ERBB4: variants seen among roughly 807,000 people sequenced by gnomAD.
The protein encoded by ERBB4 is erb-b2 receptor tyrosine kinase 4.
A neutral mutation model predicts 158.0 loss-of-function variants in ERBB4; 42 were observed. The observed-to-expected ratio is 0.27, with a 90% CI of 0.21 to 0.34. The LOEUF (loss-of-function observed/expected upper bound fraction) is 0.34, where lower values mean the gene tolerates loss of function less well. Ranked by LOEUF, ERBB4 falls within the 10% of genes least tolerant of loss-of-function variation. The probability of loss-of-function intolerance (pLI) is 1.00; values close to 1 mark genes in which losing one functional copy is unlikely to be tolerated. For synonymous variants in ERBB4, 583 were observed against 558.7 expected, an observed-to-expected ratio of 1.04 and a Z score of -0.61; for missense variants, 1,333 against 1,624.1, an observed-to-expected ratio of 0.82 and a Z score of 3.08.
chr2:211,619,067 C>T, intron 19 of ERBB4, 110 bp downstream of exon 19: 2 of 711,656 alleles, frequency 2.8e-6, no homozygotes, highest in South Asian at 1.6e-5. Flanking sequence ...TATAATATTT[C>T]CATAAGAGAA....
intron 15 of ERBB4, among the ~76,000 whole-genome samples, chr2:211,660,349 T>C (rs754392257): frequency 9.9e-5 from 15 of 152,134 alleles, no homozygotes; most frequent in Non-Finnish European, 1.6e-4. Context: ...AAATGGTAAC[T>C]GTGTTGGAGG....
At chr2:211,709,634 AGGTT>A (rs2073615334) in intron 9 of ERBB4, among the ~76,000 whole-genome samples, 1 of 152,060 alleles carries the variant, frequency 6.6e-6, no homozygotes, top group Admixed American at 6.6e-5. Flanking sequence ...AGTTATCACA[AGGTT>A]GTTAACTGTC....
At chr2:211,397,795 G>A (rs2062951900) in intron 25 of ERBB4, among the ~76,000 whole-genome samples, 1 of 152,128 alleles carries the variant, frequency 6.6e-6, no homozygotes, top group South Asian at 2.1e-4. Flanking sequence ...TACAATTCTT[G>A]ATCAGCAACT....
intron 1 of ERBB4, among the ~76,000 whole-genome samples, chr2:212,313,337 T>G (rs1394793): frequency 0.5 from 74,504 of 150,486 alleles, 21,345 homozygotes; most frequent in East Asian, 0.84. Context: ...TTTGAAAAAT[T>G]AATAAATTTA....
intron 1 of ERBB4, among the ~76,000 whole-genome samples, chr2:212,233,511 G>C (rs1351781164): frequency 6.6e-6 from 1 of 152,044 alleles, no homozygotes; most frequent in African/African-American, 2.4e-5. Flanking sequence ...AATATAACCA[G>C]TAAGTTGATA....
At chr2:211,767,162 T>C (rs574211112) in intron 4 of ERBB4, among the ~76,000 whole-genome samples, 3 of 152,328 alleles carry the variant, frequency 2.0e-5, no homozygotes, top group African/African-American at 7.2e-5. Flanking sequence ...GCTTTTATTT[T>C]ATTGCTTTGT....
At chr2:211,484,377 C>T (rs544013556) in intron 20 of ERBB4, among the ~76,000 whole-genome samples, 1 of 152,080 alleles carries the variant, frequency 6.6e-6, no homozygotes, top group African/African-American at 2.4e-5. Context: ...CTAGTTACAT[C>T]AATGATCACA....
intron 1 of ERBB4, among the ~76,000 whole-genome samples, chr2:212,211,328 G>T (rs935204005): frequency 6.6e-6 from 1 of 151,930 alleles, no homozygotes; most frequent in Non-Finnish European, 1.5e-5. Flanking sequence ...AAGACACATC[G>T]CACACATACA....
intron 20 of ERBB4, among the ~76,000 whole-genome samples, chr2:211,557,736 G>A (rs1479486691): frequency 6.6e-6 from 1 of 151,976 alleles, no homozygotes; most frequent in Non-Finnish European, 1.5e-5. Flanking sequence ...AAAAACAAAA[G>A]TACCATTCAA....
intron 7 of ERBB4, 50 bp from the exon 8 acceptor site, chr2:211,713,698 G>T (rs2106088598): frequency 9.2e-7 from 1 of 1,084,382 alleles, no homozygotes; most frequent in Non-Finnish European, 1.4e-6. Context: ...TTAACATTCA[G>T]CAAACAAGCT....
At chr2:211,981,577 C>T (rs1057440714) in intron 2 of ERBB4, among the ~76,000 whole-genome samples, 4 of 152,164 alleles carry the variant, frequency 2.6e-5, no homozygotes, top group Admixed American at 6.5e-5. Context: ...TCCTGAAATG[C>T]ATCATGCCTC....
chr2:211,658,083 C>T, intron 15 of ERBB4: 2 of 927,050 alleles, frequency 2.2e-6, no homozygotes, highest in Non-Finnish European at 1.6e-6. Flanking sequence ...GTCTCGAATT[C>T]TTATAACTAT....
intron 1 of ERBB4, among the ~76,000 whole-genome samples, chr2:212,246,563 A>G (rs992498772): frequency 6.6e-6 from 1 of 152,210 alleles, no homozygotes; most frequent in Non-Finnish European, 1.5e-5. Flanking sequence ...GCAAGAATAT[A>G]CACAAAATAC....
At chr2:211,402,305 A>C (rs1381599106) in intron 25 of ERBB4, among the ~76,000 whole-genome samples, 1 of 152,066 alleles carries the variant, frequency 6.6e-6, no homozygotes, top group Non-Finnish European at 1.5e-5. Flanking sequence ...GTAAAAAGTT[A>C]TGTAGTAGCT....
intron 1 of ERBB4, among the ~76,000 whole-genome samples, chr2:212,279,147 A>G (rs1363406699): frequency 6.6e-6 from 1 of 151,610 alleles, no homozygotes; most frequent in East Asian, 1.9e-4. Context: ...TTATGAGTAT[A>G]GAAGAGAGTA....
chr2:212,163,632 T>C (rs1341292717), intron 1 of ERBB4, among the ~76,000 whole-genome samples: 1 of 152,046 alleles, frequency 6.6e-6, no homozygotes, highest in African/African-American at 2.4e-5. Context: ...CATGAAAAAA[T>C]TGAAGCAATT....
intron 1 of ERBB4, among the ~76,000 whole-genome samples, chr2:212,442,407 C>G (rs1253218970): frequency 6.6e-6 from 1 of 152,070 alleles, no homozygotes; most frequent in Non-Finnish European, 1.5e-5. Context: ...CATCTTTCTC[C>G]CATCCTTCCC....
At chr2:212,010,655 T>C (rs950872299) in intron 2 of ERBB4, among the ~76,000 whole-genome samples, 3 of 152,044 alleles carry the variant, frequency 2.0e-5, no homozygotes, top group Admixed American at 6.6e-5. Context: ...AATAAACATC[T>C]TAAACAACAG....
intron 1 of ERBB4, among the ~76,000 whole-genome samples, chr2:212,234,615 G>A (rs140421150): frequency 1.5e-4 from 23 of 152,150 alleles, no homozygotes; most frequent in Admixed American, 3.9e-4. Flanking sequence ...AAAAGCGTTC[G>A]TATTTGTCCA....
Sources: gnomAD v4.1 joint callset for allele counts (sites outside exome capture counted in the v4.1 genomes callset) on GRCh38, gnomAD v4.1.1 for gene constraint, MANE v1.5 for transcripts, NCBI Gene and HGNC (gene_info 2026-07-23, HGNC 2026-07-21) for gene names.